The following NPSR1 variants were observed in gnomAD, a reference collection of about 807,000 sequenced individuals.
NPSR1 encodes neuropeptide S receptor.
In NPSR1, 48 loss-of-function variants were observed where a neutral mutation model predicts 46.9. The ratio of observed to expected loss-of-function variants is 1.02; its 90% CI spans 0.81 to 1.30. The LOEUF is 1.30. NPSR1 is among the 50% of genes most tolerant of loss of function. NPSR1 has a pLI of 0.00. For missense variants in NPSR1, 450 were observed against 449.5 expected, an observed-to-expected ratio of 1.00 and a Z score of -0.01; for synonymous variants, 176 against 168.1, an observed-to-expected ratio of 1.05 and a Z score of -0.36.
intron 4 of NPSR1, among the ~76,000 whole-genome samples, chr7:34,812,339 G>C (rs780661448): frequency 3.9e-5 from 6 of 152,092 alleles, no homozygotes; most frequent in Non-Finnish European, 8.8e-5. Context: ...AAAAAAATAA[G>C]GAAACTCTCT....
intron 2 of NPSR1, among the ~76,000 whole-genome samples, chr7:34,759,148 A>G (rs181318032): frequency 2.2e-4 from 33 of 152,308 alleles, no homozygotes; most frequent in African/African-American, 7.9e-4. Context: ...CACTGTAAAG[A>G]TACTATTTTT....
At chr7:34,731,661 T>C (rs1350363048) in intron 2 of NPSR1, among the ~76,000 whole-genome samples, 1 of 152,164 alleles carries the variant, frequency 6.6e-6, no homozygotes, top group Non-Finnish European at 1.5e-5. Context: ...TGCTGAGAAC[T>C]GTGTAGGTAA....
chr7:34,783,946 C>T (rs1267182010), intron 3 of NPSR1, among the ~76,000 whole-genome samples: 1 of 151,950 alleles, frequency 6.6e-6, no homozygotes, highest in Admixed American at 6.6e-5. Context: ...GAAAGATTTC[C>T]CCAGACAAAC....
intron 8 of NPSR1, among the ~76,000 whole-genome samples, chr7:34,857,017 C>T (rs1469331311): frequency 6.6e-6 from 1 of 151,530 alleles, no homozygotes; most frequent in African/African-American, 2.4e-5. Flanking sequence ...CCATGAGCTC[C>T]TGCATTCGTT....
chr7:34,781,143 G>A (rs1787211309), intron 3 of NPSR1, among the ~76,000 whole-genome samples: 1 of 152,130 alleles, frequency 6.6e-6, no homozygotes, highest in East Asian at 1.9e-4. Context: ...CTTTGTGCAA[G>A]CAGGAAGTGA....
At chr7:34,821,576 G>A (rs1392979461) in intron 4 of NPSR1, among the ~76,000 whole-genome samples, 1 of 152,170 alleles carries the variant, frequency 6.6e-6, no homozygotes, top group Non-Finnish European at 1.5e-5. Context: ...TTGCAGGAGG[G>A]AAGTCCCAGG....
chr7:34,849,480 CA>C, intron 8 of NPSR1, 84 bp from the exon 9 acceptor site: 1 of 1,603,442 alleles, frequency 6.2e-7, no homozygotes, highest in South Asian at 1.1e-5. Flanking sequence ...ATACATTTTT[CA>C]TAACTATTGT....
rs765800787 is a variant in NPSR1, at chr7:34,848,559, G to A, written c.921G>A (p.Glu307=). 2.5e-6 allele frequency: 4 copies of A among 1,614,030 alleles called. No homozygotes were observed. Among genetic ancestry groups the A allele is most frequent in the African/African-American group, 2.7e-5 (2 of 74,916 alleles). Residue 307 remains glutamate, a synonymous_variant, in exon 8 of 9, where the codon GAG becomes GAA. Transcript: ENST00000360581. ...DNFNLLPDTQ[E]RFYASVIIQN... ...TCAACCTCCTTCCAGACACCCAGGA[G>A]CGTTTCTATGCCTCTGTGATCATTC...
chr7:34,871,428 T>C (rs1424077164), intron 8 of NPSR1: 2 of 151,708 alleles, frequency 1.3e-5, no homozygotes, highest in East Asian at 3.9e-4. Context: ...GGGACAGACA[T>C]CTAAGCCATA....
intron 2 of NPSR1, among the ~76,000 whole-genome samples, chr7:34,745,182 C>A (rs1785142211): frequency 6.6e-6 from 1 of 152,174 alleles, no homozygotes; most frequent in South Asian, 2.1e-4. Context: ...GTGCCTCTTT[C>A]ACATTCTCTT....
In NPSR1 at chr7:34,780,619, C is replaced by T. The variant is rs553380412; in HGVS notation, c.384+2054C>T. ...ATCTCAGTGAGAAAAATGAGCTTTG[C>T]GGTGCTTTGGCTTGCATTATTCTCA... On this transcript the variant is annotated intron_variant, in intron 3 of 8. Transcript: ENST00000360581. Among the ~76,000 whole-genome samples, 16 of 152,214 alleles carry T rather than the reference C, an allele frequency of 1.1e-4. No homozygotes were observed. The South Asian group carries it at 2.3e-3, about 22-fold the overall frequency.
intron 2 of NPSR1, among the ~76,000 whole-genome samples, chr7:34,728,464 T>G (rs539617413): frequency 1.3e-5 from 2 of 152,184 alleles, no homozygotes; most frequent in African/African-American, 4.8e-5. Context: ...CAGTGCCTCA[T>G]CCCCCGACAA....
downstream of NPSR1, among the ~76,000 whole-genome samples, chr7:34,853,928 T>G (rs955748487): frequency 1.3e-5 from 2 of 151,114 alleles, no homozygotes; most frequent in Non-Finnish European, 2.9e-5. Flanking sequence ...ATCGCACCAT[T>G]GCACTCTGGC....
chr7:34,807,329 T>C (rs1263171734), intron 3 of NPSR1, among the ~76,000 whole-genome samples: 1 of 152,134 alleles, frequency 6.6e-6, no homozygotes, highest in Non-Finnish European at 1.5e-5. Context: ...TGTACTATTC[T>C]TATGTTATGA....
chr7:34,871,198 G>C (rs1427291076), intron 8 of NPSR1, among the ~76,000 whole-genome samples: 1 of 151,708 alleles, frequency 6.6e-6, no homozygotes, highest in Non-Finnish European at 1.5e-5. Context: ...ATGGCAGAAG[G>C]TGACAGGGAA....
intron 2 of NPSR1, chr7:34,761,263 T>C (rs1236318793): frequency 6.6e-6 from 1 of 152,364 alleles, no homozygotes; most frequent in Non-Finnish European, 1.5e-5. Context: ...CCTGACAGTC[T>C]CTGGCAGCTC....
At chr7:34,742,323 C>G (rs533927825) in intron 2 of NPSR1, among the ~76,000 whole-genome samples, 82 of 152,186 alleles carry the variant, frequency 5.4e-4, no homozygotes, top group Non-Finnish European at 1.0e-3. Context: ...TCCTCCCACC[C>G]TCCACTTTCA....
chr7:34,742,238 G>T (rs781136032), intron 2 of NPSR1, among the ~76,000 whole-genome samples: 1 of 151,616 alleles, frequency 6.6e-6, no homozygotes, highest in Non-Finnish European at 1.5e-5. Context: ...TGTCACAAGG[G>T]TTTGTTGTAT....
At chr7:34,851,185 C>CTT (rs11337711), downstream of NPSR1, among the ~76,000 whole-genome samples, 10 of 139,630 alleles carry the variant, frequency 7.2e-5, no homozygotes, top group East Asian at 6.4e-4. Flanking sequence ...GAGCTTAAAT[C>CTT]TTTTTTTTTT....
Sources: gnomAD v4.1 joint callset for allele counts (sites outside exome capture counted in the v4.1 genomes callset) on GRCh38, gnomAD v4.1.1 for gene constraint, MANE v1.5 for transcripts, NCBI Gene and HGNC (gene_info 2026-07-23, HGNC 2026-07-21) for gene names.